Variants in FBXL13 observed in about 807,000 individuals in gnomAD.
FBXL13 encodes the protein F-box and leucine rich repeat protein 13.
A neutral mutation model predicts 83.6 loss-of-function variants in FBXL13; 67 were observed. The observed-to-expected ratio is 0.80, with a 90% CI of 0.66 to 0.98. The LOEUF (loss-of-function observed/expected upper bound fraction) is 0.98. Among genes scored for constraint, FBXL13 ranks in the 50% least tolerant of loss-of-function variants. The pLI, the probability that FBXL13 is intolerant of heterozygous loss-of-function variation, is 0.00. For synonymous variants in FBXL13, 272 were observed against 299.5 expected, an observed-to-expected ratio of 0.91 and a Z score of 0.95; for missense variants, 822 against 866.5, an observed-to-expected ratio of 0.95 and a Z score of 0.64.
chr7:103,014,368 A>T (rs773953718), intron 6 of FBXL13, among the ~76,000 whole-genome samples: 91 of 152,058 alleles, frequency 6.0e-4, no homozygotes, highest in Non-Finnish European at 1.9e-4. Flanking sequence ...CAAAAAAATC[A>T]AATCAGTAAT....
In FBXL13 at chr7:103,052,444, T is replaced by G. The variant is rs574971469; in HGVS notation, c.-1+3200A>C. On this transcript the variant is annotated intron_variant, in intron 2 of 19. Coordinates refer to ENST00000313221, the Ensembl canonical transcript of FBXL13. ...ATTGAGGACTAAAGTGTTTTGCTTC[T>G]TTGTAAAAAAAAAAATTTCATTTTT... is the stretch of plus-strand genomic sequence containing the variant. Among the ~76,000 whole-genome samples the G allele has an allele frequency of 2.2e-4, 34 of 152,174 alleles. 1 individual carries two copies. The South Asian group carries it at 6.8e-3, about 31-fold the overall frequency.
At chr7:103,059,026 A>T (rs966767161) in intron 1 of FBXL13, among the ~76,000 whole-genome samples, 1 of 152,194 alleles carries the variant, frequency 6.6e-6, no homozygotes. Flanking sequence ...TTATGAGACC[A>T]AGGTGGGAGG....
intron 10 of FBXL13, among the ~76,000 whole-genome samples, chr7:102,922,406 A>G (rs1817227919): frequency 6.6e-6 from 1 of 152,138 alleles, no homozygotes; most frequent in Admixed American, 6.5e-5. Context: ...AATATAAATT[A>G]GTTCCTAGTT....
intron 6 of FBXL13, among the ~76,000 whole-genome samples, chr7:102,970,063 C>A (rs995673639): frequency 6.6e-6 from 1 of 151,884 alleles, no homozygotes; most frequent in African/African-American, 2.4e-5. Flanking sequence ...CTAGCCTGGG[C>A]AACATAGTGA....
At chr7:102,837,620 A>T (rs557773851) in intron 17 of FBXL13, among the ~76,000 whole-genome samples, 1 of 152,148 alleles carries the variant, frequency 6.6e-6, no homozygotes, top group East Asian at 1.9e-4. Flanking sequence ...TAGCAGCATG[A>T]TCATAGCTCA....
At chr7:103,007,674 T>A (rs559920489) in intron 6 of FBXL13, among the ~76,000 whole-genome samples, 3 of 151,868 alleles carry the variant, frequency 2.0e-5, no homozygotes, top group East Asian at 3.9e-4. Context: ...ATAAAACAAG[T>A]TTTTCTGGGG....
intron 10 of FBXL13, 87 bp from the exon 12 acceptor site, chr7:102,913,302 T>C (rs922409640): frequency 1.3e-6 from 2 of 1,509,130 alleles, no homozygotes; most frequent in Non-Finnish European, 1.8e-6. Context: ...AAGAAAACTG[T>C]AAATTCAACT....
intron 16 of FBXL13, among the ~76,000 whole-genome samples, chr7:102,865,874 C>T (rs1807575285): frequency 6.6e-6 from 1 of 152,112 alleles, no homozygotes. Context: ...GAGACAGTGT[C>T]TCGCTGTATC....
chr7:102,909,651 C>G (rs2129468240), intron 11 of FBXL13, among the ~76,000 whole-genome samples: 1 of 152,314 alleles, frequency 6.6e-6, no homozygotes, highest in East Asian at 1.9e-4. Flanking sequence ...AGCAGGTTCC[C>G]TTCTGGCCCA....
At chr7:102,917,289 C>G (rs1816085421) in intron 10 of FBXL13, among the ~76,000 whole-genome samples, 1 of 152,138 alleles carries the variant, frequency 6.6e-6, no homozygotes, top group South Asian at 2.1e-4. Context: ...TAAGAAATTT[C>G]CAAGCCAATT....
At chr7:102,827,993 G>A (rs1188012587) in intron 18 of FBXL13, among the ~76,000 whole-genome samples, 1 of 152,186 alleles carries the variant, frequency 6.6e-6, no homozygotes, top group Admixed American at 6.5e-5. Context: ...TAGCCTTGTA[G>A]TATAGTTTGA....
chr7:102,875,533 T>C (rs939095867), intron 16 of FBXL13, among the ~76,000 whole-genome samples: 4 of 152,062 alleles, frequency 2.6e-5, no homozygotes, highest in African/African-American at 9.7e-5. Flanking sequence ...CCTAAGTAGA[T>C]GGGAACCCAT....
intron 5 of FBXL13, among the ~76,000 whole-genome samples, chr7:103,027,102 T>C (rs938954106): frequency 3.3e-5 from 5 of 152,132 alleles, no homozygotes; most frequent in African/African-American, 1.2e-4. Context: ...AAGACCAGCC[T>C]AGCCAACATG....
chr7:102,843,360 T>C (rs1174375388), intron 17 of FBXL13, among the ~76,000 whole-genome samples: 1 of 152,036 alleles, frequency 6.6e-6, no homozygotes, highest in Non-Finnish European at 1.5e-5. Context: ...GGAGAATCAC[T>C]TGAACCCAGG....
chr7:102,878,188 G>T, intron 15 of FBXL13, 143 bp downstream of exon 16: 1 of 552,980 alleles, frequency 1.8e-6, no homozygotes, highest in Non-Finnish European at 2.8e-6. Context: ...CTTTCACATG[G>T]TTTCACTGAA....
chr7:103,031,916 C>T (rs1311984325), intron 2 of FBXL13, among the ~76,000 whole-genome samples: 1 of 152,134 alleles, frequency 6.6e-6, no homozygotes, highest in African/African-American at 2.4e-5. Context: ...ATTCCTTAGC[C>T]CTCCACTCTT....
intron 6 of FBXL13, among the ~76,000 whole-genome samples, chr7:103,022,892 T>A (rs527405725): frequency 9.2e-5 from 14 of 152,266 alleles, no homozygotes; most frequent in Non-Finnish European, 2.1e-4. Context: ...AGACAACCTA[T>A]AGAATGGTAT....
chr7:102,871,645 A>AAGTGATCT (rs1305805613), intron 16 of FBXL13, among the ~76,000 whole-genome samples: 4 of 152,050 alleles, frequency 2.6e-5, no homozygotes, highest in Non-Finnish European at 5.9e-5. Context: ...TGCCCACCTC[A>AAGTGATCT]GCCTCCCAAA....
At chr7:102,905,784 G>A (rs568476210) in intron 11 of FBXL13, among the ~76,000 whole-genome samples, 1 of 151,906 alleles carries the variant, frequency 6.6e-6, no homozygotes, top group Non-Finnish European at 1.5e-5. Flanking sequence ...TGTATCTACT[G>A]TATGATTTTT....
Sources: gnomAD v4.1 joint callset for allele counts (sites outside exome capture counted in the v4.1 genomes callset) on GRCh38, gnomAD v4.1.1 for gene constraint, MANE v1.5 for transcripts, NCBI Gene and HGNC (gene_info 2026-07-23, HGNC 2026-07-21) for gene names.